The following RELN variants were observed in gnomAD, a reference collection of about 807,000 sequenced individuals.
RELN encodes reelin.
A neutral mutation model predicts 427.6 loss-of-function variants in RELN; 108 were observed. The ratio of observed to expected loss-of-function variants is 0.25; its 90% CI spans 0.22 to 0.30. The LOEUF is 0.30. Among genes scored for constraint, RELN ranks in the 10% least tolerant of loss-of-function variants. RELN has a pLI of 1.00. For missense variants in RELN, 3,715 were observed against 4,302.8 expected (o/e 0.86, Z 3.82); for synonymous variants, 1,524 against 1,513.4 (o/e 1.01, Z -0.16).
chr7:103,539,405 TG>T (rs1281046301), intron 44 of RELN, 78 bp from the exon 45 acceptor site: 22 of 1,470,400 alleles, frequency 1.5e-5, no homozygotes, highest in Middle Eastern at 1.9e-4. Context: ...TTCGTTTGTT[TG>T]TTTGTTTGTT....
chr7:103,619,127 T>A (rs1392436822), intron 20 of RELN, among the ~76,000 whole-genome samples: 3 of 147,306 alleles, frequency 2.0e-5, no homozygotes, highest in South Asian at 2.2e-4. Flanking sequence ...AAAAAAAAAA[T>A]TCAGCATTTA....
At chr7:103,613,015 C>A (rs781738273) in intron 20 of RELN, among the ~76,000 whole-genome samples, 1 of 152,208 alleles carries the variant, frequency 6.6e-6, no homozygotes, top group Admixed American at 6.5e-5. Flanking sequence ...ACAGCAAATG[C>A]CACAACTTGT....
intron 10 of RELN, among the ~76,000 whole-genome samples, chr7:103,693,925 T>C (rs1036266986): frequency 6.6e-6 from 1 of 152,152 alleles, no homozygotes; most frequent in Non-Finnish European, 1.5e-5. Context: ...ATTTTAATAC[T>C]TTTTCTTCCT....
rs774630932 is a variant in RELN, at chr7:103,495,872, T to A, written c.9220A>T (p.Ser3074Cys). 1.2e-6 allele frequency: 2 copies of A among 1,613,752 alleles called. No individual in the cohort carries two copies. The highest frequency in any genetic ancestry group is 3.3e-5 in the Admixed American group (2 of 60,002). The change falls in exon 57 of 65, where the codon AGT (serine) becomes TGT (cysteine). Residue 3074 changes from serine (S) to cysteine (C), a missense_variant. Ser to Cys is a moderately radical substitution (Grantham distance 112). Transcript: ENST00000428762. Reference sequence around the variant, plus strand: ...GTCCTTACAGCATTAGGGTAAAAACTCCAGTTTTCTTCATGGGAAGTGCCT... The same window carrying A: ...GTCCTTACAGCATTAGGGTAAAAACACCAGTTTTCTTCATGGGAAGTGCCT... ...DEGTSHEENW[S>C]FYPNAVRTAG...
intron 2 of RELN, among the ~76,000 whole-genome samples, chr7:103,865,763 C>A (rs2116508697): frequency 6.6e-6 from 1 of 152,196 alleles, no homozygotes; most frequent in South Asian, 2.1e-4. Flanking sequence ...ACAATAAAGG[C>A]AACATATAAA....
chr7:103,920,587 T>TG (rs1795594777), intron 1 of RELN, among the ~76,000 whole-genome samples: 2 of 61,602 alleles, frequency 3.2e-5, no homozygotes, highest in African/African-American at 1.2e-4. Context: ...TTGTTTTTTT[T>TG]TTTTTTGAGA....
At chr7:103,985,569 T>C (rs1453493407) in intron 1 of RELN, among the ~76,000 whole-genome samples, 1 of 152,186 alleles carries the variant, frequency 6.6e-6, no homozygotes, top group Admixed American at 6.6e-5. Flanking sequence ...GGCATCCAAG[T>C]CTTTCTATCC....
intron 1 of RELN, among the ~76,000 whole-genome samples, chr7:103,946,697 T>C (rs1431512075): frequency 6.6e-6 from 1 of 152,208 alleles, no homozygotes; most frequent in Admixed American, 6.5e-5. Context: ...TATACTTTCT[T>C]AGAATTCTGG....
At chr7:103,635,643 C>T in intron 18 of RELN, 57 bp from the exon 19 acceptor site, 2 of 1,459,906 alleles carry the variant, frequency 1.4e-6, no homozygotes, top group Non-Finnish European at 1.9e-6. Context: ...TCATAATGTT[C>T]ATTTTGGTCT....
rs1007838495 is a variant in RELN, at chr7:103,666,989, C to T, written c.1290-5462G>A. Reference sequence around the variant, plus strand: ...CAGCCTTCGATTACATATGTTCAGTCCATCCTGAACTGCCTAAGTTTCAGC... The same window carrying T: ...CAGCCTTCGATTACATATGTTCAGTTCATCCTGAACTGCCTAAGTTTCAGC... On this transcript the variant is annotated intron_variant, in intron 11 of 64. Coordinates refer to ENST00000428762, the MANE Select transcript of RELN (RefSeq NM_005045.4). 2.6e-5 allele frequency among the ~76,000 whole-genome samples: 4 copies of T among 152,162 alleles called. No homozygotes were observed. The South Asian group carries it at 8.3e-4, about 32-fold the overall frequency.
At chr7:103,933,812 C>T (rs1795916790) in intron 1 of RELN, among the ~76,000 whole-genome samples, 1 of 152,284 alleles carries the variant, frequency 6.6e-6, no homozygotes, top group Non-Finnish European at 1.5e-5. Context: ...TTTCTAACCA[C>T]GTGGCCTCAT....
At position 103,589,783 on chromosome 7, in the gene RELN, G is replaced by GAAC. The variant is rs1831367827; in HGVS notation, c.3955_3957dup (p.Val1319dup). ...CCAGCATCATGAGAGTACTGAAGAA[G>GAAC]AACTGGAGCAGTACTGCTGAATTGA... On this transcript the variant is annotated inframe_insertion, in exon 28 of 65. Coordinates refer to ENST00000428762, the MANE Select transcript of RELN (RefSeq NM_005045.4). 1 of 1,613,308 alleles carries GAAC rather than the reference G, an allele frequency of 6.2e-7. No individual in the cohort carries two copies. The highest frequency in any genetic ancestry group is 1.7e-4 in the Middle Eastern group (1 of 6,060).
chr7:103,648,678 G>A (rs1447666223), intron 16 of RELN, among the ~76,000 whole-genome samples: 1 of 152,052 alleles, frequency 6.6e-6, no homozygotes, highest in Non-Finnish European at 1.5e-5. Context: ...GAAAATATCT[G>A]CAAACTATGC....
chr7:103,840,112 T>C (rs1180612453), intron 2 of RELN, among the ~76,000 whole-genome samples: 1 of 152,252 alleles, frequency 6.6e-6, no homozygotes, highest in Non-Finnish European at 1.5e-5. Context: ...CTGCACAGCT[T>C]GTAGAACCAT....
At chr7:103,934,967 G>A (rs577212857) in intron 1 of RELN, among the ~76,000 whole-genome samples, 1 of 152,304 alleles carries the variant, frequency 6.6e-6, no homozygotes, top group South Asian at 2.1e-4. Context: ...ACAACTAGCA[G>A]CTAAAGTGCA....
At chr7:103,940,283 A>C (rs2116733772) in intron 1 of RELN, among the ~76,000 whole-genome samples, 1 of 152,266 alleles carries the variant, frequency 6.6e-6, no homozygotes, top group South Asian at 2.1e-4. Context: ...TTATCTGTAA[A>C]AGAGGGTTAC....
intron 6 of RELN, among the ~76,000 whole-genome samples, chr7:103,740,673 A>C (rs1790621801): frequency 6.6e-6 from 1 of 152,226 alleles, no homozygotes; most frequent in African/African-American, 2.4e-5. Context: ...TTAAAGAATT[A>C]TGTGAGATAG....
Position 103,968,537 on chromosome 7 carries a change from A to G in RELN, c.226+20594T>C, listed in dbSNP as rs1376895056. On this transcript the variant is annotated intron_variant, in intron 1 of 64. Transcript: ENST00000428762. The surrounding 1 kb of genome is among the most constrained non-coding windows in gnomAD (Gnocchi z 4.3). ...GAAATTGTAAAAGGTAAGCAAATGT[A>G]AAAAAGAAGAAATTAGATCTCCTCA... Among the ~76,000 whole-genome samples the G allele has an allele frequency of 6.6e-6, 1 of 152,218 alleles. No homozygotes were observed. Among genetic ancestry groups the G allele is most frequent in the Non-Finnish European group, 1.5e-5 (1 of 68,040 alleles).
intron 31 of RELN, among the ~76,000 whole-genome samples, chr7:103,567,658 G>A (rs1404412082): frequency 2.0e-5 from 3 of 151,862 alleles, no homozygotes; most frequent in Admixed American, 6.6e-5. Flanking sequence ...TGATCTAATT[G>A]CCTATTCCAT....
Sources: allele counts gnomAD v4.1 joint callset (sites outside exome capture counted in the v4.1 genomes callset), GRCh38; gene constraint gnomAD v4.1.1; non-coding constraint Gnocchi (gnomAD v3.1); transcripts MANE v1.5; gene names NCBI Gene and HGNC (gene_info 2026-07-23, HGNC 2026-07-21).